EXOC6B: variants seen among roughly 807,000 people sequenced by gnomAD.
EXOC6B encodes SEC15 homolog B.
A neutral mutation model predicts 113.5 loss-of-function variants in EXOC6B; 54 were observed. The observed-to-expected ratio is 0.48, with a 90% CI of 0.38 to 0.60. The LOEUF (loss-of-function observed/expected upper bound fraction) is 0.60, where lower values mean the gene tolerates loss of function less well. Among genes scored for constraint, EXOC6B ranks in the 20% least tolerant of loss-of-function variants. EXOC6B has a pLI of 0.00. For synonymous variants in EXOC6B, 357 were observed against 339.0 expected (o/e 1.05, Z -0.58); for missense variants, 797 against 977.5 (o/e 0.82, Z 2.46).
chr2:72,563,446 T>C (rs532577055), intron 7 of EXOC6B, among the ~76,000 whole-genome samples: 3 of 152,286 alleles, frequency 2.0e-5, no homozygotes, highest in Admixed American at 1.3e-4. Context: ...GTTTGTGGAA[T>C]ATATTTGTTG....
chr2:72,590,786 C>G (rs779018601), intron 6 of EXOC6B, among the ~76,000 whole-genome samples: 1 of 151,960 alleles, frequency 6.6e-6, no homozygotes, highest in South Asian at 2.1e-4. Flanking sequence ...ACTACCTATT[C>G]CTTTAAGAAG....
In EXOC6B at chr2:72,179,186, A is replaced by G; in HGVS notation, c.*149T>C. 3.4e-6 allele frequency: 3 copies of G among 869,892 alleles called. No individual in the cohort carries two copies. Among genetic ancestry groups the G allele is most frequent in the Non-Finnish European group, 5.0e-6 (3 of 595,470 alleles). 53.9% of individuals were successfully genotyped at this position (869,892 alleles called of 1,614,324 possible). On this transcript the variant is annotated 3_prime_UTR_variant, in exon 22 of 22. Transcript: ENST00000272427. ...TCTTGTGCCTCTTTTACTATAGGGAAATGTTATGTGAATACTGCACAGGGG... is the reference window on the plus strand; with the variant it reads ...TCTTGTGCCTCTTTTACTATAGGGAGATGTTATGTGAATACTGCACAGGGG...
rs545535289 is a variant in EXOC6B at position 72,446,956 on chromosome 2, G to T, written c.1980+18204C>A. 1.4e-4 allele frequency among the ~76,000 whole-genome samples: 21 copies of T among 152,110 alleles called. 1 individual carries two copies. The highest frequency in any genetic ancestry group is 4.6e-4 in the African/African-American group (19 of 41,494). Reference sequence around the variant, plus strand: ...CTCTACTAAAAATACAAAAAAATTAGCTGGGCGTGGTGGTGCACATGTCTG... The same window carrying T: ...CTCTACTAAAAATACAAAAAAATTATCTGGGCGTGGTGGTGCACATGTCTG... On this transcript the variant is annotated intron_variant, in intron 18 of 21. Coordinates refer to ENST00000272427, the MANE Select transcript of EXOC6B (RefSeq NM_015189.3).
intron 18 of EXOC6B, among the ~76,000 whole-genome samples, chr2:72,413,192 A>G (rs1694297685): frequency 6.6e-6 from 1 of 151,312 alleles, no homozygotes; most frequent in Non-Finnish European, 1.5e-5. Context: ...TGATCTCCTG[A>G]CCTCGTGATC....
chr2:72,420,792 G>C (rs1573080959), intron 18 of EXOC6B, among the ~76,000 whole-genome samples: 1 of 152,116 alleles, frequency 6.6e-6, no homozygotes, highest in Non-Finnish European at 1.5e-5. Context: ...TCTAGTTCTA[G>C]ATCCTTGAGG....
At chr2:72,671,715 G>C (rs184327652) in intron 6 of EXOC6B, among the ~76,000 whole-genome samples, 182 of 139,094 alleles carry the variant, frequency 1.3e-3, no homozygotes, top group Non-Finnish European at 2.3e-3. Context: ...AAAAGAAAAA[G>C]AAGGAAAGAA....
intron 1 of EXOC6B, among the ~76,000 whole-genome samples, chr2:72,808,434 A>G (rs1685699530): frequency 6.6e-6 from 1 of 152,168 alleles, no homozygotes; most frequent in African/African-American, 2.4e-5. Context: ...GAAATCACAC[A>G]CACACAAACT....
At chr2:72,380,928 G>C (rs1691644115) in intron 18 of EXOC6B, among the ~76,000 whole-genome samples, 1 of 152,090 alleles carries the variant, frequency 6.6e-6, no homozygotes, top group African/African-American at 2.4e-5. Context: ...AAATTATTTA[G>C]TGAATCATCC....
intron 5 of EXOC6B, among the ~76,000 whole-genome samples, chr2:72,719,485 G>T (rs1395933730): frequency 6.6e-6 from 1 of 152,174 alleles, no homozygotes; most frequent in Non-Finnish European, 1.5e-5. Context: ...ACCTAAAAGG[G>T]TCTAAGCAAT....
intron 6 of EXOC6B, among the ~76,000 whole-genome samples, chr2:72,615,833 T>C (rs185053967): frequency 2.0e-5 from 3 of 152,246 alleles, no homozygotes; most frequent in East Asian, 3.9e-4. Context: ...ATGGTTATTA[T>C]AGAAGACATC....
At chr2:72,240,175 T>C (rs1177062659) in intron 20 of EXOC6B, among the ~76,000 whole-genome samples, 1 of 152,216 alleles carries the variant, frequency 6.6e-6, no homozygotes, top group Non-Finnish European at 1.5e-5. Flanking sequence ...TATTTCCTTT[T>C]CTTGCCTAAT....
At chr2:72,694,673 T>C (rs1228889887) in intron 6 of EXOC6B, among the ~76,000 whole-genome samples, 3 of 152,208 alleles carry the variant, frequency 2.0e-5, no homozygotes, top group African/African-American at 4.8e-5. Flanking sequence ...AGACTTTCTT[T>C]TGCATTAAAA....
At chr2:72,288,351 A>G (rs1330152791) in intron 20 of EXOC6B, among the ~76,000 whole-genome samples, 1 of 152,176 alleles carries the variant, frequency 6.6e-6, no homozygotes, top group Non-Finnish European at 1.5e-5. Context: ...AAATGAGTAC[A>G]CTAAAAGATA....
intron 20 of EXOC6B, among the ~76,000 whole-genome samples, chr2:72,251,702 T>C (rs1321903994): frequency 6.6e-6 from 1 of 152,220 alleles, no homozygotes; most frequent in Non-Finnish European, 1.5e-5. Flanking sequence ...GTATTGATTA[T>C]AGCATGCAAT....
intron 7 of EXOC6B, among the ~76,000 whole-genome samples, chr2:72,572,004 G>A (rs1178502345): frequency 1.3e-5 from 2 of 152,114 alleles, no homozygotes; most frequent in East Asian, 3.8e-4. Flanking sequence ...AGTAAAGAAA[G>A]TACCTAAACT....
chr2:72,697,180 A>C (rs1046197639), intron 6 of EXOC6B, among the ~76,000 whole-genome samples: 23 of 150,858 alleles, frequency 1.5e-4, no homozygotes, highest in African/African-American at 5.7e-4. Context: ...AAAATATTTT[A>C]TTGATGGCAG....
chr2:72,400,551 GACAAAT>G (rs1285081042), intron 18 of EXOC6B, among the ~76,000 whole-genome samples: 1 of 150,254 alleles, frequency 6.7e-6, no homozygotes, highest in Non-Finnish European at 1.5e-5. Flanking sequence ...TCTGACAAAG[GACAAAT>G]ATCCAGAAGC....
At chr2:72,456,224 C>T (rs1247923578) in intron 18 of EXOC6B, among the ~76,000 whole-genome samples, 2 of 152,056 alleles carry the variant, frequency 1.3e-5, no homozygotes, top group East Asian at 1.9e-4. Context: ...TTTGGAGAAA[C>T]AAGAGAATAT....
intron 1 of EXOC6B, among the ~76,000 whole-genome samples, chr2:72,751,303 AGT>A (rs1682027228): frequency 1.3e-5 from 2 of 152,164 alleles, no homozygotes; most frequent in South Asian, 4.1e-4. Flanking sequence ...GACAATTTGA[AGT>A]GGGGAAGGGC....
Sources: allele counts gnomAD v4.1 joint callset (sites outside exome capture counted in the v4.1 genomes callset), GRCh38; gene constraint gnomAD v4.1.1; transcripts MANE v1.5; gene names NCBI Gene and HGNC (gene_info 2026-07-23, HGNC 2026-07-21).